PDE8A: variants seen among roughly 807,000 people sequenced by gnomAD.
PDE8A encodes high affinity cAMP-specific and IBMX-insensitive 3',5'-cyclic phosphodiesterase 8A.
Under a neutral mutation model 105.0 loss-of-function variants are expected in PDE8A, and 59 were observed. The observed-to-expected ratio is 0.56, with a 90% confidence interval of 0.46 to 0.70. The LOEUF (loss-of-function observed/expected upper bound fraction) is 0.70. PDE8A is among the 30% of genes least tolerant of loss of function. The pLI is 0.00. For missense variants in PDE8A, 1,014 were observed against 1,045.9 expected, an observed-to-expected ratio of 0.97 and a Z score of 0.42; for synonymous variants, 355 against 371.9, an observed-to-expected ratio of 0.95 and a Z score of 0.52.
chr15:84,981,120 T>A (rs576954006), upstream of PDE8A, among the ~76,000 whole-genome samples: 9 of 152,308 alleles, frequency 5.9e-5, no homozygotes, highest in South Asian at 1.2e-3. Context: ...GCCGCTAAGT[T>A]ACGGAGCCGG....
At chr15:85,075,721 G>T (rs2081370935) in intron 3 of PDE8A, 141 bp from the exon 4 acceptor site, 1 of 547,068 alleles carries the variant, frequency 1.8e-6, no homozygotes, top group Admixed American at 3.5e-5. Flanking sequence ...AGTCAAGAAG[G>T]TGAGTGAATT....
chr15:85,010,785 G>T (rs940567713), intron 1 of PDE8A, among the ~76,000 whole-genome samples: 1 of 152,150 alleles, frequency 6.6e-6, no homozygotes, highest in Non-Finnish European at 1.5e-5. Flanking sequence ...AGATAATAGT[G>T]ACTTTAATAG....
At position 85,089,358 on chromosome 15, in the gene PDE8A, C is replaced by T; in HGVS notation, c.656C>T (p.Thr219Ile). The T allele has an allele frequency of 6.3e-7, 1 of 1,585,162 alleles. No individual in the cohort carries two copies. The highest frequency in any genetic ancestry group is 8.7e-7 in the Non-Finnish European group (1 of 1,156,050). ...TAAAGGGCTTGTAACTCAGTATTCA[C>T]TGCATTAGAAAACAGTGAAGATGCA... The part of the protein sequence containing the change: ...LKLRACNSVF[T>I]ALENSEDAIE... Residue 219 changes from threonine (T) to isoleucine (I), a missense_variant, in exon 7 of 22, where the codon ACT becomes ATT. Physicochemically the swap from Thr to Ile is moderately conservative, Grantham distance 89 (BLOSUM62 -1). Transcript: ENST00000394553.
Position 85,113,883 on chromosome 15 carries a change from T to C in PDE8A, c.1196T>C (p.Ile399Thr). 6.2e-7 allele frequency: 1 copy of C among 1,610,234 alleles called. No homozygotes were observed. ...IEAPITKVIN[I>T]INAAQESSPM... ...CTTTCCATAATGTAGGTAATCAATA[T>C]TATCAATGCTGCCCAGGAAAGTAGT... The change falls in exon 14 of 22, where the codon ATT (isoleucine) becomes ACT (threonine). Residue 399 changes from isoleucine to threonine, a missense_variant. Coordinates refer to ENST00000394553, the MANE Select transcript of PDE8A (RefSeq NM_002605.3).
Position 85,113,969 on chromosome 15 carries a change from T to C in PDE8A, c.1282T>C (p.Tyr428His). The change falls in exon 14 of 22, where the codon TAT becomes CAT. Residue 428 changes from tyrosine to histidine, a missense_variant. Physicochemically the swap from Tyr to His is moderately conservative, Grantham distance 83. Coordinates refer to ENST00000394553, the MANE Select transcript of PDE8A (RefSeq NM_002605.3). Reference sequence around the variant, plus strand: ...GGAAATTCTAAGAACCACTGAGTTATATTCACCACAGTTTGGTGCTAAAGA... The same window carrying C: ...GGAAATTCTAAGAACCACTGAGTTACATTCACCACAGTTTGGTGCTAAAGA... ...VLEILRTTEL[Y>H]SPQFGAKDDD... 3.1e-6 allele frequency: 5 copies of C among 1,613,636 alleles called. No homozygotes were observed. The highest frequency in any genetic ancestry group is 3.4e-6 in the Non-Finnish European group (4 of 1,179,466).
chr15:85,056,771 G>A (rs779575743), intron 1 of PDE8A, among the ~76,000 whole-genome samples: 12 of 152,226 alleles, frequency 7.9e-5, no homozygotes, highest in Middle Eastern at 3.4e-3. Flanking sequence ...CCTTTAGCTC[G>A]GAGAAGTTCG....
chr15:85,129,015 G>A (rs1280896052), intron 20 of PDE8A, among the ~76,000 whole-genome samples: 1 of 152,166 alleles, frequency 6.6e-6, no homozygotes, highest in East Asian at 1.9e-4. Flanking sequence ...TACCATTTTA[G>A]ATCTGGGTTT....
intron 1 of PDE8A, among the ~76,000 whole-genome samples, chr15:85,025,583 A>AT (rs1290942733): frequency 6.6e-6 from 1 of 152,174 alleles, no homozygotes; most frequent in Non-Finnish European, 1.5e-5. Flanking sequence ...GCTTCTTATC[A>AT]TCCCCCCTCT....
At chr15:85,038,469 A>G (rs2080746582) in intron 1 of PDE8A, among the ~76,000 whole-genome samples, 1 of 152,202 alleles carries the variant, frequency 6.6e-6, no homozygotes, top group Admixed American at 6.5e-5. Context: ...TCTTTGCCTC[A>G]ATGAAAGCAA....
intron 3 of PDE8A, among the ~76,000 whole-genome samples, chr15:85,074,104 G>C (rs1442162653): frequency 6.6e-6 from 1 of 152,188 alleles, no homozygotes; most frequent in Non-Finnish European, 1.5e-5. Flanking sequence ...ACATGAGAGA[G>C]ACTGGCTGGT....
intron 1 of PDE8A, among the ~76,000 whole-genome samples, chr15:85,059,078 G>T (rs369305467): frequency 1.3e-5 from 2 of 152,048 alleles, no homozygotes; most frequent in Non-Finnish European, 2.9e-5. Context: ...AGTATGTTGC[G>T]TTTTTGTTTT....
At position 85,013,227 on chromosome 15, in the gene PDE8A, G is replaced by A. The variant is rs73444049; in HGVS notation, c.186+30879G>A. On this transcript the variant is annotated intron_variant, in intron 1 of 21. Coordinates refer to ENST00000394553, the MANE Select transcript of PDE8A (RefSeq NM_002605.3). Reference sequence around the variant, plus strand: ...GACCTTAGCAACTTTGATCCTGATGGGCTTGATAGAGAAATTACAAGGTTA... The same window carrying A: ...GACCTTAGCAACTTTGATCCTGATGAGCTTGATAGAGAAATTACAAGGTTA... 7.5e-3 allele frequency among the ~76,000 whole-genome samples: 1,147 copies of A among 152,224 alleles called. 18 individuals carry two copies. The highest frequency in any genetic ancestry group is 0.026 in the African/African-American group (1,076 of 41,532).
chr15:85,024,237 G>T (rs2080475699), intron 1 of PDE8A, among the ~76,000 whole-genome samples: 2 of 152,132 alleles, frequency 1.3e-5, no homozygotes, highest in South Asian at 4.1e-4. Context: ...ATCATCGTCT[G>T]CTGTCCTTCC....
Position 84,991,762 on chromosome 15 carries a change from T to G in PDE8A, c.186+9414T>G, listed in dbSNP as rs2079888894. Among the ~76,000 whole-genome samples the G allele has an allele frequency of 3.9e-5, 6 of 152,142 alleles. No homozygotes were observed. In the South Asian group the frequency reaches 1.2e-3, roughly 31 times the overall value. On this transcript the variant is annotated intron_variant, in intron 1 of 21. Transcript: ENST00000394553. ...AGGAATACTTCACAGCTGTGAAAAA[T>G]GGATTATAGTTTTAGATATTAACTT...
At chr15:85,010,316 C>A (rs2080218813) in intron 1 of PDE8A, among the ~76,000 whole-genome samples, 1 of 152,184 alleles carries the variant, frequency 6.6e-6, no homozygotes, top group Non-Finnish European at 1.5e-5. Flanking sequence ...TATACTTGAG[C>A]CACATGTTCA....
chr15:85,017,043 T>C (rs1276721600), intron 1 of PDE8A, among the ~76,000 whole-genome samples: 1 of 150,162 alleles, frequency 6.7e-6, no homozygotes, highest in Non-Finnish European at 1.5e-5. Context: ...GGGTGGATCA[T>C]GAGGTCAGGA....
intron 1 of PDE8A, among the ~76,000 whole-genome samples, chr15:85,054,331 C>T (rs575494095): frequency 1.3e-5 from 2 of 152,202 alleles, no homozygotes; most frequent in African/African-American, 4.8e-5. Flanking sequence ...ATGCTGGCCT[C>T]ATAAAATGAG....
chr15:85,070,704 T>A (rs1596488784), intron 3 of PDE8A, among the ~76,000 whole-genome samples: 1 of 152,140 alleles, frequency 6.6e-6, no homozygotes, highest in East Asian at 1.9e-4. Context: ...CAGGGGAGGT[T>A]GGAACAGCAG....
At chr15:85,003,767 C>G (rs2080102925) in intron 1 of PDE8A, among the ~76,000 whole-genome samples, 1 of 152,152 alleles carries the variant, frequency 6.6e-6, no homozygotes, top group African/African-American at 2.4e-5. Flanking sequence ...TTCGTGTAGC[C>G]TGCCTAAGAG....
Sources: gnomAD v4.1 joint callset for allele counts (sites outside exome capture counted in the v4.1 genomes callset) on GRCh38, gnomAD v4.1.1 for gene constraint, MANE v1.5 for transcripts, NCBI Gene and HGNC (gene_info 2026-07-23, HGNC 2026-07-21) for gene names.